Variants in POLR3B observed in about 807,000 individuals in gnomAD.
The protein encoded by POLR3B is RNA polymerase III subunit B.
Under a neutral mutation model 147.4 loss-of-function variants are expected in POLR3B, and 96 were observed. That is an observed-to-expected ratio of 0.65 (90% CI 0.55 to 0.77). POLR3B has a LOEUF of 0.77. Ranked by LOEUF, POLR3B falls within the 30% of genes least tolerant of loss-of-function variation. POLR3B has a pLI of 0.00. For synonymous variants in POLR3B, 461 were observed against 485.9 expected (o/e 0.95, Z 0.67); for missense variants, 1,036 against 1,413.5 (o/e 0.73, Z 4.28).
At chr12:106,456,317 A>C (rs755112910) in intron 20 of POLR3B, among the ~76,000 whole-genome samples, 4 of 151,440 alleles carry the variant, frequency 2.6e-5, no homozygotes, top group Non-Finnish European at 4.4e-5. Context: ...CTTTTTGCTT[A>C]TTTTTCTTCC....
rs893494949 is a variant in POLR3B, at chr12:106,420,836, A to G, written c.1102-6361A>G. 1.1e-3 allele frequency among the ~76,000 whole-genome samples: 172 copies of G among 152,274 alleles called. 1 individual carries two copies. The highest frequency in any genetic ancestry group is 4.0e-3 in the African/African-American group (165 of 41,562). On this transcript the variant is annotated intron_variant, in intron 12 of 27. Transcript: ENST00000228347. Reference sequence around the variant, plus strand: ...TAAAATGAACAACCTCAAGGCCACTACTCAACAACTAGACTATTACCAATA... The same window carrying G: ...TAAAATGAACAACCTCAAGGCCACTGCTCAACAACTAGACTATTACCAATA...
chr12:106,474,805 T>C, intron 23 of POLR3B, among the ~76,000 whole-genome samples: 1 of 151,890 alleles, frequency 6.6e-6, no homozygotes, highest in Non-Finnish European at 1.5e-5. Context: ...GTTGATCCTT[T>C]CAAAAAACCA....
At chr12:106,407,737 G>C (rs1247233850) in intron 11 of POLR3B, among the ~76,000 whole-genome samples, 2 of 152,104 alleles carry the variant, frequency 1.3e-5, no homozygotes, top group Non-Finnish European at 2.9e-5. Flanking sequence ...GCTGAGGCAG[G>C]AGAATCGCTT....
At chr12:106,433,596 T>G (rs1593038874) in intron 15 of POLR3B, 123 bp from the exon 16 acceptor site, 6 of 726,362 alleles carry the variant, frequency 8.3e-6, no homozygotes. Context: ...TGGCTGCAGG[T>G]GTTAATAATG....
At chr12:106,490,269 T>C (rs1422324548) in intron 23 of POLR3B, among the ~76,000 whole-genome samples, 5 of 152,214 alleles carry the variant, frequency 3.3e-5, no homozygotes, top group Admixed American at 2.0e-4. Context: ...GCCGTGTGTA[T>C]TTTGTAAAGT....
chr12:106,478,242 A>C (rs2038210713), intron 23 of POLR3B, among the ~76,000 whole-genome samples: 1 of 152,036 alleles, frequency 6.6e-6, no homozygotes, highest in Admixed American at 6.6e-5. Flanking sequence ...CAACACACCT[A>C]ATTAGTAAGC....
chr12:106,360,402 T>C (rs953280140), intron 1 of POLR3B, among the ~76,000 whole-genome samples: 1 of 152,200 alleles, frequency 6.6e-6, no homozygotes, highest in African/African-American at 2.4e-5. Flanking sequence ...CTCTGCTCAG[T>C]TTCTTCTGGA....
intron 18 of POLR3B, among the ~76,000 whole-genome samples, chr12:106,442,639 A>G (rs1422808424): frequency 1.3e-5 from 2 of 152,154 alleles, no homozygotes; most frequent in Non-Finnish European, 2.9e-5. Context: ...GGAAAAAAAA[A>G]TAGGTTAATA....
chr12:106,432,533 G>A (rs2037524545), intron 15 of POLR3B, 53 bp downstream of exon 15: 1 of 1,408,266 alleles, frequency 7.1e-7, no homozygotes, highest in Admixed American at 1.7e-5. Context: ...AAGAGGGGGA[G>A]GGAATCCATT....
intron 6 of POLR3B, 34 bp from the exon 7 acceptor site, chr12:106,376,325 C>T: frequency 7.1e-7 from 1 of 1,410,726 alleles, no homozygotes; most frequent in African/African-American, 1.4e-5. Flanking sequence ...TGACAGCCTA[C>T]ATGTGATATT....
intron 4 of POLR3B, among the ~76,000 whole-genome samples, chr12:106,368,891 AGC>A (rs1055325300): frequency 1.2e-4 from 2 of 16,968 alleles, no homozygotes; most frequent in African/African-American, 6.7e-4. Flanking sequence ...TGCACAAATG[AGC>A]GTTTTTTTTT....
intron 16 of POLR3B, among the ~76,000 whole-genome samples, chr12:106,435,116 A>C: frequency 6.8e-6 from 1 of 147,886 alleles, no homozygotes; most frequent in African/African-American, 2.5e-5. Flanking sequence ...TTTGATTCTT[A>C]TCCTTCCATT....
At chr12:106,486,287 CAAAAAAAAAA>C (rs1195017160) in intron 23 of POLR3B, among the ~76,000 whole-genome samples, 4,889 of 28,296 alleles carry the variant, frequency 0.17, 343 homozygotes, top group African/African-American at 0.3. Flanking sequence ...GACTCCGTCT[CAAAAAAAAAA>C]AAAAAAAAAA....
At chr12:106,365,098 G>C (rs1421431291) in intron 2 of POLR3B, among the ~76,000 whole-genome samples, 1 of 152,106 alleles carries the variant, frequency 6.6e-6, no homozygotes, top group East Asian at 1.9e-4. Context: ...TCGCGCCACT[G>C]CACTGCAGCC....
In POLR3B at chr12:106,432,395, A is replaced by G. The variant is rs2037522036; in HGVS notation, c.1542A>G (p.Leu514=). 1 of 1,613,372 alleles carries G rather than the reference A, an allele frequency of 6.2e-7. No homozygotes were observed. Among genetic ancestry groups the G allele is most frequent in the African/African-American group, 1.3e-5 (1 of 74,922 alleles). ...TGGAAGATGGACCCATTGTTAAATT[A>G]GCCAGTAACTTGGGAGTAGAAGATG... ...TDMEDGPIVK[L]ASNLGVEDVN... The change falls in exon 15 of 28, where the codon TTA becomes TTG. Residue 514 remains leucine, a synonymous_variant. Transcript: ENST00000228347.
rs2038661416 is a variant in POLR3B at position 106,504,870 on chromosome 12, A to T, written c.3272+616A>T. 6.6e-6 allele frequency among the ~76,000 whole-genome samples: 1 copy of T among 152,146 alleles called. No homozygotes were observed. The highest frequency in any genetic ancestry group is 1.5e-5 in the Non-Finnish European group (1 of 68,028). On this transcript the variant is annotated intron_variant, in intron 27 of 27. Coordinates refer to ENST00000228347, the MANE Select transcript of POLR3B (RefSeq NM_018082.6). The surrounding 1 kb of genome is among the most constrained non-coding windows in gnomAD (Gnocchi z 4.6). ...TCTGCTAAGTGTCAGACACTGTTCT[A>T]GGCCCTAGAAATGCAGCAGTGAACA... is the stretch of plus-strand genomic sequence containing the variant.
chr12:106,420,025 A>G (rs2136946521), intron 12 of POLR3B, among the ~76,000 whole-genome samples: 1 of 152,042 alleles, frequency 6.6e-6, no homozygotes, highest in African/African-American at 2.4e-5. Flanking sequence ...GGTTGGTGGG[A>G]AGGGCTGGAA....
intron 20 of POLR3B, among the ~76,000 whole-genome samples, chr12:106,456,633 A>T: frequency 6.6e-6 from 1 of 152,166 alleles, no homozygotes; most frequent in East Asian, 1.9e-4. Flanking sequence ...CACCAAAAGG[A>T]TGTGTATCCT....
chr12:106,388,558 T>C (rs756345034), intron 9 of POLR3B, among the ~76,000 whole-genome samples: 3 of 152,162 alleles, frequency 2.0e-5, no homozygotes, highest in Non-Finnish European at 2.9e-5. Flanking sequence ...CCTGGTGATC[T>C]GCCCACCTTA....
Sources: allele counts gnomAD v4.1 joint callset (sites outside exome capture counted in the v4.1 genomes callset), GRCh38; gene constraint gnomAD v4.1.1; non-coding constraint Gnocchi (gnomAD v3.1); transcripts MANE v1.5; gene names NCBI Gene and HGNC (gene_info 2026-07-23, HGNC 2026-07-21).